Variants in TECPR2 observed in about 807,000 individuals in gnomAD.
TECPR2 encodes the protein tectonin beta-propeller repeat containing 2, also known as tectonin beta-propeller repeat-containing protein 2.
Under a neutral mutation model 138.1 loss-of-function variants are expected in TECPR2, and 65 were observed. The observed-to-expected ratio is 0.47, with a 90% CI of 0.39 to 0.58. TECPR2 has a LOEUF of 0.58. TECPR2 is among the 20% of genes least tolerant of loss of function. The pLI is 0.00. For missense variants in TECPR2, 1,553 were observed against 1,824.5 expected (o/e 0.85, Z 2.71); for synonymous variants, 746 against 749.8 (o/e 0.99, Z 0.08).
intron 15 of TECPR2, among the ~76,000 whole-genome samples, chr14:102,451,384 G>A (rs542238390): frequency 2.6e-5 from 4 of 152,220 alleles, no homozygotes; most frequent in Non-Finnish European, 5.9e-5. Context: ...GTCCCACTAG[G>A]ATGCAGGTGA....
In TECPR2 at chr14:102,431,971, C is replaced by T. The variant is rs147784739; in HGVS notation, c.1260C>T (p.Ser420=). ...SSSLNSTDSG[S]GLLPPGLQAT... is the part of the protein sequence containing the mutation. ...CGCTCAACTCCACCGACAGCGGCTC[C>T]GGGCTCCTGCCCCCTGGGCTCCAGG... The change falls in exon 8 of 20, where the codon TCC becomes TCT. Residue 420 remains serine, a synonymous_variant. Coordinates refer to ENST00000359520, the MANE Select transcript of TECPR2 (RefSeq NM_014844.5). The T allele has an allele frequency of 5.5e-4, 893 of 1,612,934 alleles. 6 individuals carry two copies. The African/African-American group carries it at 9.3e-3, about 17-fold the overall frequency.
intron 17 of TECPR2, among the ~76,000 whole-genome samples, chr14:102,472,859 C>T (rs1013944572): frequency 6.6e-6 from 1 of 152,246 alleles, no homozygotes; most frequent in Non-Finnish European, 1.5e-5. Context: ...CCAGGTGCTG[C>T]CCCTGCCGAG....
chr14:102,406,056 T>C (rs554740873), intron 2 of TECPR2, among the ~76,000 whole-genome samples: 1 of 148,888 alleles, frequency 6.7e-6, no homozygotes, highest in East Asian at 2.0e-4. Flanking sequence ...AGTAGAATGG[T>C]AGTTGCCAGG....
chr14:102,417,633 G>T (rs190744046), intron 5 of TECPR2, among the ~76,000 whole-genome samples: 1 of 152,336 alleles, frequency 6.6e-6, no homozygotes, highest in East Asian at 1.9e-4. Flanking sequence ...CATATGCCAA[G>T]ACCTCAATTG....
At chr14:102,452,855 C>T (rs1890182007) in intron 16 of TECPR2, among the ~76,000 whole-genome samples, 1 of 152,162 alleles carries the variant, frequency 6.6e-6, no homozygotes, top group African/African-American at 2.4e-5. Flanking sequence ...GCTGTCAGAA[C>T]CCGAGGAGGG....
In TECPR2 at chr14:102,428,244, T is replaced by TTTTTTAG; in HGVS notation, c.952-6_952-5insTTTTTAG. ...TTTGTTTTTTTTTTTTTTTTTTTTT[T>TTTTTTAG]GACAGGCCACAGTTGCTGGTTTGGA... is the stretch of plus-strand genomic sequence containing the variant. On this transcript the variant is annotated splice_polypyrimidine_tract_variant and splice_region_variant and intron_variant, in intron 6 of 19. Transcript: ENST00000359520. 1 of 1,350,742 alleles carries TTTTTTAG rather than the reference T, an allele frequency of 7.4e-7. No individual in the cohort carries two copies. Among genetic ancestry groups the TTTTTTAG allele is most frequent in the Non-Finnish European group, 9.8e-7 (1 of 1,019,606 alleles). The allele number at this position is 1,350,742 out of a possible 1,614,324, so 83.7% of individuals were successfully genotyped here. A position where few individuals can be genotyped will look rare whatever the true frequency, so the allele number is the denominator to read the frequency against.
Position 102,450,019 on chromosome 14 carries a change from G to A in TECPR2, c.3316+150G>A. ...CTAGTGGAGGCACTCTATGCTTTGT[G>A]ATCAGTTTCTCTCCTTTTTAAAAAA... is the stretch of plus-strand genomic sequence containing the variant. On this transcript the variant is annotated intron_variant, in intron 14 of 19. Coordinates refer to ENST00000359520, the MANE Select transcript of TECPR2 (RefSeq NM_014844.5). The A allele has an allele frequency of 4.1e-6, 5 of 1,219,352 alleles. No homozygotes were observed. The South Asian group carries it at 7.9e-5, about 19-fold the overall frequency. 75.5% of individuals were successfully genotyped at this position (1,219,352 alleles called of 1,614,324 possible).
chr14:102,396,472 G>A (rs1401114330), intron 2 of TECPR2, among the ~76,000 whole-genome samples: 2 of 152,062 alleles, frequency 1.3e-5, no homozygotes, highest in Non-Finnish European at 2.9e-5. Flanking sequence ...AAATGAGGTG[G>A]GGTTTTTTTG....
chr14:102,425,849 C>T (rs575016263), intron 6 of TECPR2, among the ~76,000 whole-genome samples: 1 of 148,744 alleles, frequency 6.7e-6, no homozygotes, highest in South Asian at 2.1e-4. Context: ...GCTGGGATTA[C>T]AGGCGTGAGC....
chr14:102,448,284 A>G (rs1041716397), intron 13 of TECPR2, among the ~76,000 whole-genome samples: 2 of 152,198 alleles, frequency 1.3e-5, no homozygotes, highest in Admixed American at 6.5e-5. Context: ...TATGCCAGTG[A>G]TGTTTTATGT....
chr14:102,418,275 C>T (rs1889083063), intron 5 of TECPR2, among the ~76,000 whole-genome samples: 1 of 152,218 alleles, frequency 6.6e-6, no homozygotes, highest in Non-Finnish European at 1.5e-5. Flanking sequence ...CTGCCCTGCT[C>T]CAGTACTCCT....
chr14:102,476,569 A>G (rs1361366388), intron 17 of TECPR2, among the ~76,000 whole-genome samples: 2 of 152,186 alleles, frequency 1.3e-5, no homozygotes, highest in African/African-American at 2.4e-5. Context: ...CAGGCTGGAA[A>G]ATGTTCAGAG....
At chr14:102,429,331 A>G (rs946528207) in intron 7 of TECPR2, among the ~76,000 whole-genome samples, 15 of 152,228 alleles carry the variant, frequency 9.9e-5, no homozygotes, top group African/African-American at 3.4e-4. Flanking sequence ...CGTCTGAGAC[A>G]GTATGTGGGA....
chr14:102,369,260 C>T (rs1167969522), intron 1 of TECPR2, among the ~76,000 whole-genome samples: 2 of 152,186 alleles, frequency 1.3e-5, no homozygotes, highest in East Asian at 3.8e-4. Flanking sequence ...AGTCTCAAAG[C>T]CCTTCTTGTG....
rs1048899038 is a variant in TECPR2 at position 102,376,792 on chromosome 14, C to T, written c.71C>T (p.Pro24Leu). Residue 24 changes from proline to leucine, a missense_variant, in exon 2 of 20, where the codon CCG becomes CTG. Pro to Leu is a moderately conservative substitution (Grantham distance 98). Coordinates refer to ENST00000359520, the MANE Select transcript of TECPR2 (RefSeq NM_014844.5). Reference sequence around the variant, plus strand: ...TTGTACTATCTCCTCAATGCCATTCCGACAAAGATCCAGAAGGGTTTCCGC... The same window carrying T: ...TTGTACTATCTCCTCAATGCCATTCTGACAAAGATCCAGAAGGGTTTCCGC... ...CPLYYLLNAI[P>L]TKIQKGFRSI... is the part of the protein sequence containing the mutation. The T allele has an allele frequency of 2.5e-6, 4 of 1,614,176 alleles. No homozygotes were observed. The highest frequency in any genetic ancestry group is 2.2e-5 in the East Asian group (1 of 44,884).
At chr14:102,401,206 A>G (rs1472557677) in intron 2 of TECPR2, among the ~76,000 whole-genome samples, 1 of 152,136 alleles carries the variant, frequency 6.6e-6, no homozygotes, top group African/African-American at 2.4e-5. Flanking sequence ...TGGGAGGCCA[A>G]GGTGGGTGGA....
intron 7 of TECPR2, among the ~76,000 whole-genome samples, chr14:102,431,540 C>T (rs1889481527): frequency 1.3e-5 from 2 of 152,074 alleles, no homozygotes. Flanking sequence ...GACGGGGTTT[C>T]ACTGTGTTAG....
At chr14:102,438,464 G>T (rs1463555486) in intron 10 of TECPR2, 6 of 428,110 alleles carry the variant, frequency 1.4e-5, no homozygotes, top group African/African-American at 2.1e-5. Flanking sequence ...AATTGCAATG[G>T]TAAGCTCTGA....
Position 102,445,885 on chromosome 14 carries a change from C to A in TECPR2, c.3013C>A (p.Leu1005Met). 1 of 1,614,002 alleles carries A rather than the reference C, an allele frequency of 6.2e-7. No homozygotes were observed. Among genetic ancestry groups the A allele is most frequent in the Non-Finnish European group, 8.5e-7 (1 of 1,180,010 alleles). ...CTGGGCCCTGGACATCCATGGGAACCTGTGGTTCAGAACTGGCATTATTTC... is the reference window on the plus strand; with the variant it reads ...CTGGGCCCTGGACATCCATGGGAACATGTGGTTCAGAACTGGCATTATTTC... ...TLWALDIHGNLWFRTGIISKK... is the reference protein window; with the variant it reads ...TLWALDIHGNMWFRTGIISKK... The change falls in exon 13 of 20, where the codon CTG (leucine) becomes ATG (methionine). Residue 1005 changes from leucine (L) to methionine (M), a missense_variant. Leu to Met is a conservative substitution (Grantham distance 15, BLOSUM62 2). Transcript: ENST00000359520.
Sources: gnomAD v4.1 joint callset for allele counts (sites outside exome capture counted in the v4.1 genomes callset) on GRCh38, gnomAD v4.1.1 for gene constraint, MANE v1.5 for transcripts, NCBI Gene and HGNC (gene_info 2026-07-23, HGNC 2026-07-21) for gene names.